MRPL14: variants seen among roughly 807,000 people sequenced by gnomAD.
MRPL14 encodes mitochondrial ribosomal protein L14.
Under a neutral mutation model 10.9 loss-of-function variants are expected in MRPL14, and 8 were observed. The observed-to-expected ratio is 0.74, with a 90% CI of 0.43 to 1.33. The LOEUF is 1.33. MRPL14 is among the 40% of genes most tolerant of loss of function. MRPL14 has a pLI of 0.01. For missense variants in MRPL14, 179 were observed against 194.5 expected (o/e 0.92, Z 0.47); for synonymous variants, 82 against 74.1 (o/e 1.11, Z -0.54).
chr6:44,115,908 T>C (rs1775802682), intron 2 of MRPL14, among the ~76,000 whole-genome samples: 1 of 152,214 alleles, frequency 6.6e-6, no homozygotes, highest in Admixed American at 6.5e-5. Context: ...TACAATCCTC[T>C]ATTATAATAT....
At chr6:44,123,448 A>G (rs1399376950) in intron 1 of MRPL14, among the ~76,000 whole-genome samples, 2 of 152,230 alleles carry the variant, frequency 1.3e-5, no homozygotes, top group African/African-American at 4.8e-5. Flanking sequence ...AGGAAACAAA[A>G]AGCCATCTCT....
At chr6:44,122,152 A>T (rs987281974) in intron 1 of MRPL14, among the ~76,000 whole-genome samples, 4 of 150,660 alleles carry the variant, frequency 2.7e-5, no homozygotes, top group Non-Finnish European at 5.9e-5. Flanking sequence ...ACGCCATCTC[A>T]GCTCACTGCA....
chr6:44,113,930 T>C lies in MRPL14; in HGVS notation c.351A>G (p.Thr117=). 1 of 1,611,196 alleles carries C rather than the reference T, an allele frequency of 6.2e-7. No homozygotes were observed. Among genetic ancestry groups the C allele is most frequent in the African/African-American group, 1.3e-5 (1 of 74,972 alleles). ...TGGTGGGGATGGGTGTCTTAATTCG[T>C]GTCCCCACAGGGTTCCCGTTGTCCT... is the stretch of plus-strand genomic sequence containing the variant. ...LIEDNGNPVG[T]RIKTPIPTSL... The change falls in exon 3 of 3, where the codon ACA becomes ACG. Residue 117 remains threonine (T), a synonymous_variant. Transcript: ENST00000372014.
chr6:44,115,514 T>C (rs1775758117), intron 2 of MRPL14, among the ~76,000 whole-genome samples: 1 of 152,162 alleles, frequency 6.6e-6, no homozygotes, highest in Non-Finnish European at 1.5e-5. Flanking sequence ...ACCTATGTCC[T>C]TTCTCTCCAA....
At chr6:44,124,951 T>C (rs1363895238) in intron 1 of MRPL14, among the ~76,000 whole-genome samples, 1 of 152,170 alleles carries the variant, frequency 6.6e-6, no homozygotes, top group East Asian at 1.9e-4. Context: ...CCAGGCATGA[T>C]AATCCCAAAG....
At chr6:44,123,196 C>T (rs1166040789) in intron 1 of MRPL14, among the ~76,000 whole-genome samples, 1 of 152,198 alleles carries the variant, frequency 6.6e-6, no homozygotes, top group Non-Finnish European at 1.5e-5. Flanking sequence ...CTGCAGGCTC[C>T]ACAGAGTTGG....
At chr6:44,120,909 C>A (rs61477086) in intron 1 of MRPL14, among the ~76,000 whole-genome samples, 13 of 152,212 alleles carry the variant, frequency 8.5e-5, no homozygotes, top group African/African-American at 3.1e-4. Flanking sequence ...AGGATTAGCC[C>A]GTGCTTTGTT....
chr6:44,126,245 T>TAC (rs1405445032), intron 1 of MRPL14, among the ~76,000 whole-genome samples: 1 of 152,250 alleles, frequency 6.6e-6, no homozygotes, highest in African/African-American at 2.4e-5. Flanking sequence ...CACGTGTGTG[T>TAC]ACACCTGAAG....
At chr6:44,117,939 A>C (rs1035414993) in intron 1 of MRPL14, among the ~76,000 whole-genome samples, 1 of 135,010 alleles carries the variant, frequency 7.4e-6, no homozygotes, top group Non-Finnish European at 1.5e-5. Flanking sequence ...CTCCCGCCTC[A>C]GCCCCGCAAA....
chr6:44,122,125 C>G (rs985884620), intron 1 of MRPL14, among the ~76,000 whole-genome samples: 2 of 151,800 alleles, frequency 1.3e-5, no homozygotes, highest in African/African-American at 4.8e-5. Context: ...CTCTGTCGCC[C>G]TGGCTGGAGT....
intron 1 of MRPL14, among the ~76,000 whole-genome samples, chr6:44,120,385 T>TGAAC (rs34744302): frequency 6.6e-6 from 1 of 152,208 alleles, no homozygotes; most frequent in Non-Finnish European, 1.5e-5. Flanking sequence ...ACATGGCAAC[T>TGAAC]GAACGTGCTA....
chr6:44,122,470 C>A (rs1776546104), intron 1 of MRPL14, among the ~76,000 whole-genome samples: 1 of 152,098 alleles, frequency 6.6e-6, no homozygotes, highest in South Asian at 2.1e-4. Flanking sequence ...TGGAAAGTAC[C>A]ATTACTTTAA....
At chr6:44,121,187 T>C (rs540194041) in intron 1 of MRPL14, among the ~76,000 whole-genome samples, 5 of 152,132 alleles carry the variant, frequency 3.3e-5, no homozygotes, top group Non-Finnish European at 5.9e-5. Context: ...CACAGGAGAC[T>C]GACTTCAATG....
rs768463027 is a variant in MRPL14 at position 44,113,812 on chromosome 6, C to T, written c.*31G>A. 7.9e-6 allele frequency: 12 copies of T among 1,527,298 alleles called. No homozygotes were observed. Among genetic ancestry groups the T allele is most frequent in the African/African-American group, 1.4e-5 (1 of 72,210 alleles). 94.6% of individuals were successfully genotyped at this position (1,527,298 alleles called of 1,614,324 possible). ...GTGGTTCTCAGAACTGCTCCATTCA[C>T]GAGTCCTGCAACCAGAGGCCTGGGC... On this transcript the variant is annotated 3_prime_UTR_variant, in exon 3 of 3. Coordinates refer to ENST00000372014, the MANE Select transcript of MRPL14 (RefSeq NM_032111.4).
At chr6:44,124,243 A>G (rs57899548) in intron 1 of MRPL14, among the ~76,000 whole-genome samples, 6,677 of 152,156 alleles carry the variant, frequency 0.044, 491 homozygotes, top group African/African-American at 0.15. Flanking sequence ...TGGAAAGCAT[A>G]TATCTCTTTC....
At chr6:44,122,749 C>T (rs1017525967) in intron 1 of MRPL14, among the ~76,000 whole-genome samples, 25 of 152,110 alleles carry the variant, frequency 1.6e-4, no homozygotes, top group Non-Finnish European at 1.6e-4. Flanking sequence ...AAAGCCCAGA[C>T]ACAAAAAGGA....
intron 1 of MRPL14, among the ~76,000 whole-genome samples, chr6:44,122,032 C>T (rs931748113): frequency 6.6e-6 from 1 of 151,920 alleles, no homozygotes; most frequent in African/African-American, 2.4e-5. Context: ...TGCCCTTCAC[C>T]CAGGCTCCCA....
At chr6:44,117,328 A>C (rs748745266) in intron 1 of MRPL14, among the ~76,000 whole-genome samples, 4 of 152,194 alleles carry the variant, frequency 2.6e-5, no homozygotes, top group Non-Finnish European at 5.9e-5. Context: ...CCAACCCAAG[A>C]CTTGTGACTC....
At chr6:44,124,899 A>G (rs1776791244) in intron 1 of MRPL14, among the ~76,000 whole-genome samples, 1 of 152,210 alleles carries the variant, frequency 6.6e-6, no homozygotes, top group Non-Finnish European at 1.5e-5. Context: ...CCTAAGAACT[A>G]TCCAAGTAAC....
Sources: allele counts gnomAD v4.1 joint callset (sites outside exome capture counted in the v4.1 genomes callset), GRCh38; gene constraint gnomAD v4.1.1; transcripts MANE v1.5; gene names NCBI Gene and HGNC (gene_info 2026-07-23, HGNC 2026-07-21).